SPON1: variants seen among roughly 807,000 people sequenced by gnomAD.
The protein encoded by SPON1 is spondin 1.
SPON1 carries 52 observed loss-of-function variants against 111.7 expected under a neutral mutation model. The ratio of observed to expected loss-of-function variants is 0.47; its 90% CI spans 0.37 to 0.59. SPON1 has a LOEUF of 0.59. Among genes scored for constraint, SPON1 ranks in the 20% least tolerant of loss-of-function variants. The pLI, the probability that SPON1 is intolerant of heterozygous loss-of-function variation, is 0.00. For synonymous variants in SPON1, 410 were observed against 395.8 expected (o/e 1.04, Z -0.43); for missense variants, 957 against 1,068.5 (o/e 0.90, Z 1.46).
chr11:14,240,208 A>G (rs1554939538), intron 6 of SPON1, among the ~76,000 whole-genome samples: 1 of 152,252 alleles, frequency 6.6e-6, no homozygotes, highest in African/African-American at 2.4e-5. Context: ...GGCCGTAGGC[A>G]TGGTGATATG....
chr11:14,186,815 G>A (rs1303171010), intron 6 of SPON1, among the ~76,000 whole-genome samples: 8 of 152,274 alleles, frequency 5.3e-5, no homozygotes, highest in East Asian at 1.9e-4. Context: ...CCAGATCTTC[G>A]TGTGAGATCT....
intron 6 of SPON1, among the ~76,000 whole-genome samples, chr11:14,223,022 T>C (rs1554937739): frequency 6.6e-6 from 1 of 152,182 alleles, no homozygotes; most frequent in Non-Finnish European, 1.5e-5. Context: ...CCAGAGCCTC[T>C]CAGAAGTAAG....
chr11:14,046,568 G>A (rs1554917860), intron 3 of SPON1, among the ~76,000 whole-genome samples: 1 of 152,070 alleles, frequency 6.6e-6, no homozygotes, highest in African/African-American at 2.4e-5. Flanking sequence ...GGTCTGTTCT[G>A]TTGATCTTTT....
At chr11:14,034,725 G>C (rs1227619939) in intron 2 of SPON1, among the ~76,000 whole-genome samples, 2 of 152,114 alleles carry the variant, frequency 1.3e-5, no homozygotes, top group Non-Finnish European at 2.9e-5. Context: ...ACAACCCTGG[G>C]TCTGAATCCA....
At chr11:13,968,516 TATTAAA>T (rs1848037063) in intron 1 of SPON1, among the ~76,000 whole-genome samples, 1 of 152,268 alleles carries the variant, frequency 6.6e-6, no homozygotes, top group Non-Finnish European at 1.5e-5. Flanking sequence ...TATTATTACA[TATTAAA>T]ATTATAATTG....
At chr11:14,162,125 A>ACTAG (rs1847972654) in intron 6 of SPON1, among the ~76,000 whole-genome samples, 1 of 150,198 alleles carries the variant, frequency 6.7e-6, no homozygotes, top group Non-Finnish European at 1.5e-5. Context: ...GCCACTGCAC[A>ACTAG]CTAGCCTGGT....
intron 2 of SPON1, among the ~76,000 whole-genome samples, chr11:13,985,312 T>C (rs1007694248): frequency 1.3e-5 from 2 of 152,248 alleles, no homozygotes; most frequent in African/African-American, 4.8e-5. Context: ...GCCTAGCATA[T>C]GATAACGACA....
rs543090321 is a variant in SPON1 at position 14,154,104 on chromosome 11, C to T, written c.825+18536C>T. ...ACAGACTGGCATCAAGTGCCTGCAG[C>T]TTTTCCAGGCACATGGTGCAAGCTG... On this transcript the variant is annotated intron_variant, in intron 6 of 15. Transcript: ENST00000576479. Among the ~76,000 whole-genome samples the T allele has an allele frequency of 2.0e-5, 3 of 152,292 alleles. No homozygotes were observed. The East Asian group carries it at 5.8e-4, about 29-fold the overall frequency.
At chr11:14,177,583 C>T (rs1393839882) in intron 6 of SPON1, among the ~76,000 whole-genome samples, 1 of 152,118 alleles carries the variant, frequency 6.6e-6, no homozygotes, top group Non-Finnish European at 1.5e-5. Context: ...GGGTCAGAAA[C>T]TTGTAGCCTC....
At chr11:14,043,282 G>A (rs1389587720) in intron 3 of SPON1, among the ~76,000 whole-genome samples, 3 of 152,138 alleles carry the variant, frequency 2.0e-5, no homozygotes, top group Non-Finnish European at 4.4e-5. Context: ...GAGGTTCCTT[G>A]GCATGAGGAA....
chr11:14,018,483 C>G (rs1554914508), intron 2 of SPON1, among the ~76,000 whole-genome samples: 1 of 152,142 alleles, frequency 6.6e-6, no homozygotes, highest in African/African-American at 2.4e-5. Flanking sequence ...GGGGCAGGGG[C>G]TGAAGGAAGG....
intron 3 of SPON1, among the ~76,000 whole-genome samples, chr11:14,055,178 T>C (rs890884514): frequency 1.3e-5 from 2 of 152,206 alleles, no homozygotes; most frequent in Non-Finnish European, 2.9e-5. Context: ...GGACAGTAGA[T>C]GCAATAACAC....
chr11:14,084,268 G>C (rs1355613931), intron 5 of SPON1, among the ~76,000 whole-genome samples: 4 of 151,892 alleles, frequency 2.6e-5, no homozygotes, highest in Admixed American at 2.6e-4. Context: ...ACATGCATTA[G>C]GTTATTTGTC....
intron 1 of SPON1, among the ~76,000 whole-genome samples, chr11:13,977,038 C>A (rs1848108658): frequency 6.6e-6 from 1 of 152,202 alleles, no homozygotes; most frequent in African/African-American, 2.4e-5. Context: ...AGTATGTGTT[C>A]ATTTTCCTGC....
chr11:14,260,530 G>T (rs1045776837), intron 13 of SPON1, 58 bp from the exon 14 acceptor site: 79 of 1,565,190 alleles, frequency 5.0e-5, no homozygotes, highest in Non-Finnish European at 6.4e-5. Context: ...TGGGGTCAGG[G>T]AGATCAACGA....
intron 6 of SPON1, among the ~76,000 whole-genome samples, chr11:14,170,979 A>C (rs1399777742): frequency 2.6e-5 from 4 of 152,116 alleles, no homozygotes; most frequent in African/African-American, 9.7e-5. Flanking sequence ...TCTCTGCCAG[A>C]CTTTGGTGTC....
At chr11:14,115,443 T>C (rs1396813458) in intron 5 of SPON1, among the ~76,000 whole-genome samples, 1 of 152,212 alleles carries the variant, frequency 6.6e-6, no homozygotes, top group Non-Finnish European at 1.5e-5. Flanking sequence ...TACTACATCT[T>C]GACTTCTATC....
At chr11:14,157,132 T>C (rs1245504383) in intron 6 of SPON1, among the ~76,000 whole-genome samples, 1 of 152,200 alleles carries the variant, frequency 6.6e-6, no homozygotes, top group Non-Finnish European at 1.5e-5. Flanking sequence ...CATTTGGCTT[T>C]ACCCATATAT....
intron 3 of SPON1, among the ~76,000 whole-genome samples, chr11:14,055,489 T>G (rs183967045): frequency 8.5e-5 from 13 of 152,304 alleles, no homozygotes; most frequent in African/African-American, 2.9e-4. Flanking sequence ...ATTTGTAGAT[T>G]ATGAGATCAG....
Sources: gnomAD v4.1 joint callset for allele counts (sites outside exome capture counted in the v4.1 genomes callset) on GRCh38, gnomAD v4.1.1 for gene constraint, MANE v1.5 for transcripts, NCBI Gene and HGNC (gene_info 2026-07-23, HGNC 2026-07-21) for gene names.